Variants in SLC36A1 observed in about 807,000 individuals in gnomAD.
SLC36A1 encodes proton-coupled amino acid transporter 1.
A neutral mutation model predicts 47.5 loss-of-function variants in SLC36A1; 30 were observed. That is an observed-to-expected ratio of 0.63 (90% confidence interval 0.47 to 0.86). The LOEUF (loss-of-function observed/expected upper bound fraction) is 0.86. Ranked by LOEUF, SLC36A1 falls within the 40% of genes least tolerant of loss-of-function variation. SLC36A1 has a pLI of 0.00. For missense variants in SLC36A1, 517 were observed against 606.0 expected (o/e 0.85, Z 1.54); for synonymous variants, 255 against 249.7 (o/e 1.02, Z -0.20).
At chr5:151,370,519 G>A in the SLC36A1 span, among the ~76,000 whole-genome samples, 21,472 of 151,890 alleles carry the variant, frequency 0.14, 4,243 homozygotes, top group African/African-American at 0.45. Context: ...TATCCACCTT[G>A]AAGAAACCTT....
At chr5:151,358,261 T>A in the SLC36A1 span, among the ~76,000 whole-genome samples, 2 of 146,378 alleles carry the variant, frequency 1.4e-5, no homozygotes, top group African/African-American at 5.6e-5. Flanking sequence ...TTAGTTTAAC[T>A]TTTTTTCTTT....
chr5:151,374,384 C>T, the SLC36A1 span, among the ~76,000 whole-genome samples: 3 of 152,078 alleles, frequency 2.0e-5, no homozygotes, highest in Non-Finnish European at 2.9e-5. Context: ...TTGGTGCGCT[C>T]TTGGGGTTCG....
In SLC36A1 at chr5:151,480,006, AT is replaced by A. The variant is rs1429611747; in HGVS notation, c.1159+520del. ...AAAATTTCTATTGATTAACCTAGGTATTTGATTGATCACTTGTGTTTTATTC... is the reference window on the plus strand; with the variant it reads ...AAAATTTCTATTGATTAACCTAGGTATTGATTGATCACTTGTGTTTTATTC... On this transcript the variant is annotated intron_variant, in intron 10 of 10. Coordinates refer to ENST00000243389, the MANE Select transcript of SLC36A1 (RefSeq NM_078483.4). 1.1e-5 allele frequency: 10 copies of A among 910,198 alleles called. No individual in the cohort carries two copies. In the African/African-American group the frequency reaches 1.7e-4, roughly 15 times the overall value. 56.4% of individuals were successfully genotyped at this position (910,198 alleles called of 1,614,324 possible). A position where few individuals can be genotyped will look rare whatever the true frequency, so the allele number is the denominator to read the frequency against.
the SLC36A1 span, chr5:151,347,683 G>A: frequency 1.7e-6 from 1 of 575,902 alleles, no homozygotes; most frequent in Non-Finnish European, 3.1e-6. Flanking sequence ...GGAGAGGAAG[G>A]AGGGATTTGG....
At chr5:151,550,477 C>A in the SLC36A1 span, 8 of 1,224,040 alleles carry the variant, frequency 6.5e-6, no homozygotes, top group Non-Finnish European at 9.2e-6. Context: ...ACAACTCTGT[C>A]TCGTGCATGG....
chr5:151,479,259 C>G (rs1758491479), intron 9 of SLC36A1, 61 bp from the exon 10 acceptor site: 6 of 1,563,276 alleles, frequency 3.8e-6, no homozygotes, highest in Admixed American at 1.7e-5. Flanking sequence ...ATTTTGCACT[C>G]TTGCTGATGA....
chr5:151,470,485 A>G (rs992406413), intron 7 of SLC36A1, among the ~76,000 whole-genome samples: 2 of 152,156 alleles, frequency 1.3e-5, no homozygotes, highest in Non-Finnish European at 1.5e-5. Context: ...ATTTCTTGAG[A>G]GCAATTCTGA....
chr5:151,505,932 A>G, the SLC36A1 span: 1 of 1,584,090 alleles, frequency 6.3e-7, no homozygotes. Context: ...CTCCAGGGGG[A>G]AGGGGAAGCC....
downstream of SLC36A1, among the ~76,000 whole-genome samples, chr5:151,497,204 G>T (rs1190643667): frequency 6.6e-6 from 1 of 152,150 alleles, no homozygotes; most frequent in Non-Finnish European, 1.5e-5. Context: ...ATCTTGTAGG[G>T]AAAGCATTCA....
At chr5:151,510,013 G>T in the SLC36A1 span, 4 of 1,613,714 alleles carry the variant, frequency 2.5e-6, no homozygotes, top group Non-Finnish European at 3.4e-6. Context: ...GGCCTCTCCT[G>T]GGATTACCTG....
intron 7 of SLC36A1, among the ~76,000 whole-genome samples, chr5:151,468,176 T>A (rs1756736583): frequency 7.0e-6 from 1 of 143,444 alleles, no homozygotes; most frequent in Non-Finnish European, 1.5e-5. Context: ...CGCTTGAACC[T>A]GGGAGGCGAA....
the SLC36A1 span, chr5:151,544,848 A>G: frequency 5.0e-6 from 8 of 1,614,108 alleles, no homozygotes; most frequent in African/African-American, 9.3e-5. Flanking sequence ...CATCAGTGGC[A>G]GATACCTGAA....
At chr5:151,553,172 C>G in the SLC36A1 span, 13 of 1,614,194 alleles carry the variant, frequency 8.1e-6, no homozygotes, top group South Asian at 1.4e-4. Flanking sequence ...TAGGCCTTGC[C>G]TCACCTGAGA....
chr5:151,356,386 CTA>C, the SLC36A1 span, among the ~76,000 whole-genome samples: 2 of 135,706 alleles, frequency 1.5e-5, no homozygotes, highest in South Asian at 5.3e-4. Context: ...TGATAAAGTG[CTA>C]GAAGAAAAGT....
intron 9 of SLC36A1, 76 bp from the exon 10 acceptor site, chr5:151,479,244 G>C: frequency 1.3e-6 from 2 of 1,491,988 alleles, no homozygotes; most frequent in Non-Finnish European, 1.8e-6. Context: ...AATCGCAATG[G>C]GACCATTTTG....
the SLC36A1 span, among the ~76,000 whole-genome samples, chr5:151,356,668 C>T: frequency 6.6e-6 from 1 of 152,102 alleles, no homozygotes; most frequent in African/African-American, 2.4e-5. Flanking sequence ...TACTCAAAGA[C>T]AAGGAAGCAG....
At chr5:151,542,862 C>T in the SLC36A1 span, 2 of 1,614,058 alleles carry the variant, frequency 1.2e-6, no homozygotes, top group Admixed American at 3.3e-5. Flanking sequence ...ATTCGTGGTC[C>T]ATGGGCTTCC....
In SLC36A1 at chr5:151,442,358, A is replaced by AT. The variant is rs565844663; in HGVS notation, c.-6+5186dup. ...TCACAGGAATTTTAAATACAGTGTG[A>AT]TTTTTTTATTTTTAAAAAGTTATTT... On this transcript the variant is annotated intron_variant, in intron 1 of 8. Coordinates refer to the SLC36A1 transcript ENST00000429484. Among the ~76,000 whole-genome samples, 277 of 152,184 alleles carry AT rather than the reference A, an allele frequency of 1.8e-3. 1 individual carries two copies. Among genetic ancestry groups the AT allele is most frequent in the African/African-American group, 6.2e-3 (259 of 41,540 alleles).
At chr5:151,406,991 G>A in the SLC36A1 span, among the ~76,000 whole-genome samples, 1 of 152,184 alleles carries the variant, frequency 6.6e-6, no homozygotes, top group Non-Finnish European at 1.5e-5. Context: ...TGAAGCTGCA[G>A]ACCTTTGCAG....
Sources: gnomAD v4.1 joint callset for allele counts (sites outside exome capture counted in the v4.1 genomes callset) on GRCh38, gnomAD v4.1.1 for gene constraint, MANE v1.5 for transcripts, NCBI Gene and HGNC (gene_info 2026-07-23, HGNC 2026-07-21) for gene names.